The following SMURF2 variants were observed in gnomAD, a reference collection of about 807,000 sequenced individuals.
SMURF2 encodes the protein E3 ubiquitin-protein ligase SMURF2.
In SMURF2, 48 loss-of-function variants were observed where a neutral mutation model predicts 109.6. The ratio of observed to expected loss-of-function variants is 0.44; its 90% CI spans 0.35 to 0.56. The LOEUF (loss-of-function observed/expected upper bound fraction) is 0.56. SMURF2 is among the 20% of genes least tolerant of loss of function. The pLI is 0.01. For missense variants in SMURF2, 575 were observed against 909.0 expected (o/e 0.63, Z 4.72); for synonymous variants, 288 against 317.1 (o/e 0.91, Z 0.97).
chr17:64,605,744 AATATATATATATATATATAT>A lies in SMURF2; in HGVS notation c.91+838_91+857del, dbSNP rs71158333. Among the ~76,000 whole-genome samples, 25 of 99,102 alleles carry A rather than the reference AATATATATATATATATATAT, an allele frequency of 2.5e-4. 1 individual carries two copies. In the East Asian group the frequency reaches 5.2e-3, roughly 21 times the overall value. 65.0% of individuals were successfully genotyped at this position (99,102 alleles called of 152,430 possible). On this transcript the variant is annotated intron_variant, in intron 2 of 18. Transcript: ENST00000262435. Reference sequence around the variant, plus strand: ...AGGGCAAGATCCTGTCTCTAAAAAGAATATATATATATATATATATATATATATATATCTTATTTCTTTTA... The same window carrying A: ...AGGGCAAGATCCTGTCTCTAAAAAGAATATATATATATCTTATTTCTTTTA...
intron 1 of SMURF2, among the ~76,000 whole-genome samples, chr17:64,658,022 A>G (rs982756491): frequency 4.2e-4 from 64 of 152,218 alleles, no homozygotes; most frequent in African/African-American, 1.5e-3. Flanking sequence ...AAAATAAAAC[A>G]AATTGGGGAC....
At chr17:64,595,165 T>C (rs1440529682) in intron 3 of SMURF2, among the ~76,000 whole-genome samples, 1 of 152,208 alleles carries the variant, frequency 6.6e-6, no homozygotes, top group Non-Finnish European at 1.5e-5. Flanking sequence ...TACCATGATA[T>C]GAAAAGGTTG....
At chr17:64,608,168 G>C (rs2144677835) in intron 1 of SMURF2, among the ~76,000 whole-genome samples, 1 of 151,884 alleles carries the variant, frequency 6.6e-6, no homozygotes, top group African/African-American at 2.4e-5. Flanking sequence ...GTAATGTTTG[G>C]TATTTCTATC....
chr17:64,662,255 C>T lies in SMURF2; in HGVS notation c.-375G>A. The T allele has an allele frequency of 2.0e-6, 2 of 982,900 alleles. No homozygotes were observed. The highest frequency in any genetic ancestry group is 2.4e-6 in the Non-Finnish European group (2 of 829,034). The allele number at this position is 982,900 out of a possible 1,614,324, so 60.9% of individuals were successfully genotyped here. A position where few individuals can be genotyped will look rare whatever the true frequency, so the allele number is the denominator to read the frequency against. On this transcript the variant is annotated 5_prime_UTR_variant, in exon 1 of 19. Coordinates refer to ENST00000262435, the MANE Select transcript of SMURF2 (RefSeq NM_022739.4). ...CTGAAGCGGGCGGTGCTCGGGGGCG[C>T]CGGAGCAGAACTCTGGGCTCGGCCG...
At chr17:64,654,270 A>C (rs537485682) in intron 1 of SMURF2, among the ~76,000 whole-genome samples, 1 of 152,332 alleles carries the variant, frequency 6.6e-6, no homozygotes, top group Non-Finnish European at 1.5e-5. Context: ...CAAACTGCCA[A>C]ACTTCAGATT....
chr17:64,549,012 G>A (rs1443480204), intron 16 of SMURF2, among the ~76,000 whole-genome samples: 1 of 151,914 alleles, frequency 6.6e-6, no homozygotes, highest in African/African-American at 2.4e-5. Context: ...GGTAGGGTGT[G>A]GTAGCTCACG....
intron 1 of SMURF2, among the ~76,000 whole-genome samples, chr17:64,651,585 A>G (rs1448980920): frequency 1.3e-5 from 2 of 151,582 alleles, no homozygotes; most frequent in Admixed American, 6.6e-5. Context: ...AAAAAAAAAA[A>G]AGAGAAGAAA....
intron 15 of SMURF2, 139 bp downstream of exon 15, chr17:64,554,713 ATGTC>A (rs1969095172): frequency 1.4e-6 from 1 of 695,152 alleles, no homozygotes; most frequent in Admixed American, 3.0e-5. Context: ...AAATAATAAA[ATGTC>A]TGTTCTAAAT....
At chr17:64,641,055 GAATTA>G in intron 1 of SMURF2, among the ~76,000 whole-genome samples, 1 of 151,416 alleles carries the variant, frequency 6.6e-6, no homozygotes, top group Non-Finnish European at 1.5e-5. Context: ...ACATTTCAGA[GAATTA>G]AAGAATTAAA....
intron 1 of SMURF2, among the ~76,000 whole-genome samples, chr17:64,634,731 A>G (rs1970392399): frequency 6.6e-6 from 1 of 152,172 alleles, no homozygotes; most frequent in African/African-American, 2.4e-5. Context: ...TTGGGGACAG[A>G]GCAGAAATAA....
In SMURF2 at chr17:64,652,613, G is replaced by A. The variant is rs188271706; in HGVS notation, c.52+9216C>T. Among the ~76,000 whole-genome samples, 275 of 152,266 alleles carry A rather than the reference G, an allele frequency of 1.8e-3. 1 individual carries two copies. Among genetic ancestry groups the A allele is most frequent in the Non-Finnish European group, 2.3e-3 (159 of 68,006 alleles). On this transcript the variant is annotated intron_variant, in intron 1 of 18. Transcript: ENST00000262435. ...AGTGATTCTCTTGCCTCAGCCTCCCGAGTAGCTGGGATGACAGGCACCTGC... is the reference window on the plus strand; with the variant it reads ...AGTGATTCTCTTGCCTCAGCCTCCCAAGTAGCTGGGATGACAGGCACCTGC...
chr17:64,629,528 AG>A (rs1216839969), intron 1 of SMURF2, among the ~76,000 whole-genome samples: 1 of 152,182 alleles, frequency 6.6e-6, no homozygotes, highest in East Asian at 1.9e-4. Flanking sequence ...TAGAAGGAAA[AG>A]TATCTGCTTC....
At chr17:64,575,717 A>C (rs35216689) in intron 9 of SMURF2, among the ~76,000 whole-genome samples, 1 of 151,988 alleles carries the variant, frequency 6.6e-6, no homozygotes, top group South Asian at 2.1e-4. Flanking sequence ...GGAAAAAAAA[A>C]CAACCTTCTG....
intron 9 of SMURF2, among the ~76,000 whole-genome samples, chr17:64,576,805 T>C (rs1969498037): frequency 6.6e-6 from 1 of 151,376 alleles, no homozygotes; most frequent in Non-Finnish European, 1.5e-5. Context: ...ATTAAGAATA[T>C]CAACCTACTA....
At chr17:64,609,512 G>A (rs1188184120) in intron 1 of SMURF2, among the ~76,000 whole-genome samples, 2 of 152,086 alleles carry the variant, frequency 1.3e-5, no homozygotes, top group Non-Finnish European at 2.9e-5. Flanking sequence ...ACAAAAACAA[G>A]CAATGGGGGA....
chr17:64,565,640 G>A (rs995106759), intron 10 of SMURF2, among the ~76,000 whole-genome samples: 3 of 151,880 alleles, frequency 2.0e-5, no homozygotes, highest in Admixed American at 6.6e-5. Flanking sequence ...TAGTCAGACT[G>A]GGTGGATTCA....
intron 1 of SMURF2, among the ~76,000 whole-genome samples, chr17:64,636,197 G>A (rs754396656): frequency 6.6e-6 from 1 of 152,058 alleles, no homozygotes; most frequent in Non-Finnish European, 1.5e-5. Flanking sequence ...GTTCTCAGGG[G>A]ATCCTCCCAC....
chr17:64,616,796 C>T (rs1555690156), intron 1 of SMURF2, among the ~76,000 whole-genome samples: 2 of 151,928 alleles, frequency 1.3e-5, no homozygotes, highest in Non-Finnish European at 2.9e-5. Context: ...TAGGCTGGCA[C>T]AGTGGCTCAT....
rs138051691 is a variant in SMURF2 at position 64,651,136 on chromosome 17, G to A, written c.52+10693C>T. Among the ~76,000 whole-genome samples the A allele has an allele frequency of 1.1e-3, 171 of 152,248 alleles. 3 individuals are homozygous for A. The East Asian group carries it at 0.032, about 29-fold the overall frequency. ...CACTTGAACCCAGGAGGCGGAGGTTGCAGTGAGCTGAGATCGCGCCATTGC... is the reference window on the plus strand; with the variant it reads ...CACTTGAACCCAGGAGGCGGAGGTTACAGTGAGCTGAGATCGCGCCATTGC... On this transcript the variant is annotated intron_variant, in intron 1 of 18. Coordinates refer to ENST00000262435, the MANE Select transcript of SMURF2 (RefSeq NM_022739.4).
Sources: gnomAD v4.1 joint callset for allele counts (sites outside exome capture counted in the v4.1 genomes callset) on GRCh38, gnomAD v4.1.1 for gene constraint, MANE v1.5 for transcripts, NCBI Gene and HGNC (gene_info 2026-07-23, HGNC 2026-07-21) for gene names.